The following TEAD4 variants were observed in gnomAD, a reference collection of about 807,000 sequenced individuals.
TEAD4 encodes the protein transcriptional enhancer factor TEF-3.
In TEAD4, 36 loss-of-function variants were observed where a neutral mutation model predicts 52.4. That is an observed-to-expected ratio of 0.69 (90% CI 0.53 to 0.91). The LOEUF (loss-of-function observed/expected upper bound fraction) is 0.91. Ranked by LOEUF, TEAD4 falls within the 40% of genes least tolerant of loss-of-function variation. The pLI is 0.00. For missense variants in TEAD4, 508 were observed against 583.9 expected, an observed-to-expected ratio of 0.87 and a Z score of 1.34; for synonymous variants, 220 against 231.0, an observed-to-expected ratio of 0.95 and a Z score of 0.43.
chr12:3,004,099 T>C (rs1414288061), intron 3 of TEAD4, among the ~76,000 whole-genome samples: 1 of 152,238 alleles, frequency 6.6e-6, no homozygotes. Flanking sequence ...TCCCACCAGC[T>C]GTGGGTACCA....
At chr12:2,988,076 A>G (rs753433545) in intron 2 of TEAD4, among the ~76,000 whole-genome samples, 2 of 151,862 alleles carry the variant, frequency 1.3e-5, no homozygotes, top group African/African-American at 2.4e-5. Context: ...TCAAAAAAAC[A>G]AAAACAAAAT....
intron 10 of TEAD4, among the ~76,000 whole-genome samples, chr12:3,030,515 TTCTCTACCCCGTGGAA>T (rs1327036957): frequency 6.6e-6 from 1 of 152,200 alleles, no homozygotes; most frequent in Non-Finnish European, 1.5e-5. Flanking sequence ...TCTTTTTGCT[TTCTCTACCCCGTGGAA>T]TCCAGTGTGG....
chr12:3,007,745 T>A (rs532944221), intron 3 of TEAD4, among the ~76,000 whole-genome samples: 1 of 152,344 alleles, frequency 6.6e-6, no homozygotes, highest in Admixed American at 6.5e-5. Flanking sequence ...TTTTTAAAAT[T>A]CTTTTTCCCA....
At chr12:3,013,870 A>AC (rs2098262349) in intron 5 of TEAD4, among the ~76,000 whole-genome samples, 1 of 152,130 alleles carries the variant, frequency 6.6e-6, no homozygotes, top group Non-Finnish European at 1.5e-5. Context: ...ACATTGTGAG[A>AC]CCCCATCTCT....
At chr12:3,012,272 TG>T (rs755374397) in intron 5 of TEAD4, 40 bp downstream of exon 5, 1 of 1,602,558 alleles carries the variant, frequency 6.2e-7, no homozygotes, top group East Asian at 2.2e-5. Context: ...TGGCCAGGAG[TG>T]GTGGCCAGCA....
chr12:2,999,720 T>A (rs571592033), intron 3 of TEAD4, among the ~76,000 whole-genome samples: 89 of 151,764 alleles, frequency 5.9e-4, no homozygotes, highest in Non-Finnish European at 1.1e-3. Context: ...TGACCTCCTT[T>A]GGCCAGGCTC....
intron 11 of TEAD4, 95 bp downstream of exon 11, chr12:3,038,203 AG>A: frequency 6.7e-7 from 1 of 1,484,806 alleles, no homozygotes; most frequent in Non-Finnish European, 9.1e-7. Flanking sequence ...GCCCTCCGTT[AG>A]GGAGCCAGGA....
At chr12:3,031,820 C>T (rs573189781) in intron 10 of TEAD4, among the ~76,000 whole-genome samples, 2 of 152,232 alleles carry the variant, frequency 1.3e-5, no homozygotes, top group African/African-American at 4.8e-5. Flanking sequence ...TACCAGACCA[C>T]GGGTCCATAC....
At chr12:2,996,566 A>G (rs1159220005) in intron 3 of TEAD4, among the ~76,000 whole-genome samples, 1 of 149,102 alleles carries the variant, frequency 6.7e-6, no homozygotes, top group Non-Finnish European at 1.5e-5. Context: ...ACGTGCCACC[A>G]CTCCTGGCTA....
At chr12:3,024,250 A>AT (rs1278223127) in intron 10 of TEAD4, among the ~76,000 whole-genome samples, 8 of 151,876 alleles carry the variant, frequency 5.3e-5, no homozygotes, top group Admixed American at 3.3e-4. Flanking sequence ...AATTTTTTGT[A>AT]TTTTTTTAGT....
At chr12:3,020,897 TC>T in intron 9 of TEAD4, 124 bp downstream of exon 9, 1 of 1,095,304 alleles carries the variant, frequency 9.1e-7, no homozygotes, top group Non-Finnish European at 1.2e-6. Context: ...TTTCCGATCT[TC>T]CCTTCTGCCC....
chr12:3,040,549 A>C lies in TEAD4; in HGVS notation c.*71A>C, dbSNP rs957062450. 3 of 1,380,448 alleles carry C rather than the reference A, an allele frequency of 2.2e-6. No individual in the cohort carries two copies. Among genetic ancestry groups the C allele is most frequent in the Non-Finnish European group, 2.0e-6 (2 of 983,108 alleles). 85.5% of individuals were successfully genotyped at this position (1,380,448 alleles called of 1,614,324 possible). A position where few individuals can be genotyped will look rare whatever the true frequency, so the allele number is the denominator to read the frequency against. On this transcript the variant is annotated 3_prime_UTR_variant, in exon 13 of 13. Coordinates refer to ENST00000359864, the MANE Select transcript of TEAD4 (RefSeq NM_003213.4). ...ACGGGGACGTGGGGAGGGGACCTGC[A>C]GGGGCAGCCCCCTGAAGTGCCAAGA...
intron 3 of TEAD4, among the ~76,000 whole-genome samples, chr12:2,998,302 C>G (rs1290615063): frequency 6.6e-6 from 1 of 152,066 alleles, no homozygotes; most frequent in Non-Finnish European, 1.5e-5. Context: ...ATATTTCTGT[C>G]CCTGCTTCAC....
At chr12:2,974,691 C>T (rs2098228035) in intron 2 of TEAD4, among the ~76,000 whole-genome samples, 1 of 152,156 alleles carries the variant, frequency 6.6e-6, no homozygotes, top group South Asian at 2.1e-4. Flanking sequence ...GAGACTCCCT[C>T]TTCTGCCTGG....
chr12:3,031,047 G>A (rs1265197884), intron 10 of TEAD4, among the ~76,000 whole-genome samples: 1 of 152,210 alleles, frequency 6.6e-6, no homozygotes, highest in Non-Finnish European at 1.5e-5. Context: ...TGGCTTCAGG[G>A]TGTGGCGTGG....
chr12:2,976,838 G>A (rs998211315), intron 2 of TEAD4, among the ~76,000 whole-genome samples: 4 of 152,156 alleles, frequency 2.6e-5, no homozygotes, highest in Non-Finnish European at 4.4e-5. Context: ...GGCCTGGGCT[G>A]GGGCCTGCAG....
At chr12:3,018,385 G>T (rs562739034) in intron 6 of TEAD4, among the ~76,000 whole-genome samples, 160 bp from the exon 7 acceptor site, 2 of 152,240 alleles carry the variant, frequency 1.3e-5, no homozygotes, top group East Asian at 3.9e-4. Context: ...TCACTCTGGG[G>T]GTGCTGCTGT....
chr12:2,969,548 C>T (rs1040792382), intron 2 of TEAD4, among the ~76,000 whole-genome samples: 8 of 152,312 alleles, frequency 5.3e-5, no homozygotes, highest in African/African-American at 1.7e-4. Context: ...ACTGCTTCCT[C>T]GAAGATTTTG....
rs2098245486 is a variant in TEAD4, at chr12:2,994,344, G to A, written c.-29-394G>A. Among the ~76,000 whole-genome samples the A allele has an allele frequency of 6.6e-6, 1 of 152,192 alleles. No individual in the cohort carries two copies. Among genetic ancestry groups the A allele is most frequent in the South Asian group, 2.1e-4 (1 of 4,830 alleles). On this transcript the variant is annotated intron_variant, in intron 2 of 12. Transcript: ENST00000359864. This position sits in a 1 kb window ranked among gnomAD's most constrained non-coding sequence, Gnocchi z 4.7. Reference sequence around the variant, plus strand: ...GCCTGCCTCAGCCTCCCAGAGTGCTGGGATTACAGGCGTGAGCCACAGCGC... The same window carrying A: ...GCCTGCCTCAGCCTCCCAGAGTGCTAGGATTACAGGCGTGAGCCACAGCGC...
Sources: allele counts gnomAD v4.1 joint callset (sites outside exome capture counted in the v4.1 genomes callset), GRCh38; gene constraint gnomAD v4.1.1; non-coding constraint Gnocchi (gnomAD v3.1); transcripts MANE v1.5; gene names NCBI Gene and HGNC (gene_info 2026-07-23, HGNC 2026-07-21).